RALGPS1: variants seen among roughly 807,000 people sequenced by gnomAD.
RALGPS1 encodes the protein Ral GEF with PH domain and SH3 binding motif 1.
A neutral mutation model predicts 78.8 loss-of-function variants in RALGPS1; 19 were observed. The ratio of observed to expected loss-of-function variants is 0.24; its 90% CI spans 0.17 to 0.35. The LOEUF (loss-of-function observed/expected upper bound fraction) is 0.35. RALGPS1 is among the 10% of genes least tolerant of loss of function. RALGPS1 has a pLI of 1.00. For synonymous variants in RALGPS1, 228 were observed against 256.3 expected (o/e 0.89, Z 1.06); for missense variants, 454 against 688.3 (o/e 0.66, Z 3.81).
At chr9:126,940,112 C>T (rs919374499) in intron 1 of RALGPS1, among the ~76,000 whole-genome samples, 1 of 152,166 alleles carries the variant, frequency 6.6e-6, no homozygotes, top group Admixed American at 6.5e-5. Context: ...AGGCTGACCC[C>T]TCCTTTTCCA....
In RALGPS1 at chr9:126,965,860, ACT is replaced by A; in HGVS notation, c.79_80del (p.Leu27GlyfsTer13). 2 of 1,613,754 alleles carry A rather than the reference ACT, an allele frequency of 1.2e-6. No homozygotes were observed. Among genetic ancestry groups the A allele is most frequent in the Non-Finnish European group, 1.7e-6 (2 of 1,179,804 alleles). On this transcript the variant is annotated frameshift_variant, in exon 3 of 19. Transcript: ENST00000259351. LOFTEE classifies it high-confidence loss of function. Reference sequence around the variant, plus strand: ...TCTCCACAGGGCAGCAGCAGCTCGGACTCTCTGGAGGGCCAGAGCTGCGACTA... The same window carrying A: ...TCTCCACAGGGCAGCAGCAGCTCGGACTCTGGAGGGCCAGAGCTGCGACTA...
At chr9:127,099,749 A>G (rs2053534021) in intron 8 of RALGPS1, among the ~76,000 whole-genome samples, 1 of 152,246 alleles carries the variant, frequency 6.6e-6, no homozygotes, top group Admixed American at 6.5e-5. Flanking sequence ...TAACCTAAAC[A>G]CAGGAATAGC....
At chr9:127,178,143 G>T (rs955051679) in intron 11 of RALGPS1, 15 of 744,014 alleles carry the variant, frequency 2.0e-5, no homozygotes, top group Non-Finnish European at 3.0e-5. Flanking sequence ...GCTGTGCAGG[G>T]TCTGTGGGCA....
chr9:127,184,753 C>T (rs2060525794), intron 11 of RALGPS1, among the ~76,000 whole-genome samples: 1 of 152,252 alleles, frequency 6.6e-6, no homozygotes, highest in African/African-American at 2.4e-5. Flanking sequence ...TGAGACTGGA[C>T]TGTGAGCTCC....
intron 5 of RALGPS1, among the ~76,000 whole-genome samples, chr9:127,037,642 G>C (rs1401973302): frequency 6.6e-6 from 1 of 152,184 alleles, no homozygotes. Flanking sequence ...CTCTGAGCTG[G>C]TTCTACCTCA....
At chr9:126,947,728 T>G (rs2037416563) in intron 1 of RALGPS1, among the ~76,000 whole-genome samples, 1 of 152,164 alleles carries the variant, frequency 6.6e-6, no homozygotes, top group Non-Finnish European at 1.5e-5. Context: ...CTATCAAGCC[T>G]GCACTGCAGC....
intron 8 of RALGPS1, among the ~76,000 whole-genome samples, chr9:127,120,859 T>C (rs1246637919): frequency 1.3e-5 from 2 of 151,782 alleles, no homozygotes; most frequent in Non-Finnish European, 2.9e-5. Context: ...GTGTCTCTGC[T>C]CTTCCCTTCC....
At chr9:126,994,568 A>C (rs1029664246) in intron 4 of RALGPS1, among the ~76,000 whole-genome samples, 1 of 152,244 alleles carries the variant, frequency 6.6e-6, no homozygotes, top group African/African-American at 2.4e-5. Context: ...TGTACCTGAA[A>C]GTGACGGGGA....
chr9:126,927,052 A>C (rs1273347043), intron 1 of RALGPS1, among the ~76,000 whole-genome samples: 1 of 152,150 alleles, frequency 6.6e-6, no homozygotes, highest in Non-Finnish European at 1.5e-5. Flanking sequence ...GCTAATCTGC[A>C]GCTGAGAGAG....
At chr9:127,194,454 C>T (rs1325851638) in intron 11 of RALGPS1, among the ~76,000 whole-genome samples, 1 of 152,132 alleles carries the variant, frequency 6.6e-6, no homozygotes, top group Non-Finnish European at 1.5e-5. Context: ...ACTCTGTTGC[C>T]CAGGCTGGAG....
chr9:127,055,543 AT>A (rs1195659570), intron 7 of RALGPS1, among the ~76,000 whole-genome samples: 2 of 152,096 alleles, frequency 1.3e-5, no homozygotes. Flanking sequence ...TATATTAACC[AT>A]TTTGTTCTGA....
chr9:127,111,680 C>G (rs2054830803), intron 8 of RALGPS1, among the ~76,000 whole-genome samples: 2 of 152,182 alleles, frequency 1.3e-5, no homozygotes, highest in Admixed American at 6.5e-5. Flanking sequence ...CAAGTGTTTT[C>G]CAGTTTCCCG....
At chr9:127,203,523 G>A (rs1195737707) in intron 14 of RALGPS1, among the ~76,000 whole-genome samples, 1 of 152,030 alleles carries the variant, frequency 6.6e-6, no homozygotes, top group East Asian at 1.9e-4. Context: ...GGATGGGGGG[G>A]TCCTTGGAAG....
At chr9:126,968,816 A>G (rs1276106777) in intron 3 of RALGPS1, among the ~76,000 whole-genome samples, 1 of 152,220 alleles carries the variant, frequency 6.6e-6, no homozygotes, top group Non-Finnish European at 1.5e-5. Context: ...TGGGAGGCTG[A>G]GGCGGGTGGA....
chr9:127,077,900 C>G (rs958700309), intron 8 of RALGPS1, among the ~76,000 whole-genome samples: 2 of 152,220 alleles, frequency 1.3e-5, no homozygotes, highest in Non-Finnish European at 2.9e-5. Context: ...AGGTATCTGT[C>G]AGTCCACAAA....
In RALGPS1 at chr9:127,212,047, G is replaced by A. The variant is rs542380349; in HGVS notation, c.1248-84G>A. The A allele has an allele frequency of 9.4e-7, 1 of 1,067,948 alleles. No individual in the cohort carries two copies. Among genetic ancestry groups the A allele is most frequent in the Non-Finnish European group, 1.4e-6 (1 of 737,198 alleles). The allele number at this position is 1,067,948 out of a possible 1,614,324, so 66.2% of individuals were successfully genotyped here. On this transcript the variant is annotated intron_variant, in intron 14 of 18. Coordinates refer to ENST00000259351, the MANE Select transcript of RALGPS1 (RefSeq NM_014636.3). This position sits in a 1 kb window ranked among gnomAD's most constrained non-coding sequence, Gnocchi z 6.0. ...GCTGGGATGTCATGGACTTGGTAGT[G>A]GGGCACCTGTGGTCCCCAGTGAGTG...
At chr9:126,967,378 G>C (rs2039616162) in intron 3 of RALGPS1, among the ~76,000 whole-genome samples, 1 of 151,970 alleles carries the variant, frequency 6.6e-6, no homozygotes. Flanking sequence ...TCTTTTTTCA[G>C]TCTTCATGGC....
At chr9:127,133,937 C>T (rs2057203504) in intron 8 of RALGPS1, among the ~76,000 whole-genome samples, 1 of 152,084 alleles carries the variant, frequency 6.6e-6, no homozygotes, top group Admixed American at 6.5e-5. Context: ...TGCCTGGTCC[C>T]CTGCCCCTGC....
chr9:127,016,327 G>C (rs1374934703), intron 4 of RALGPS1, among the ~76,000 whole-genome samples: 2 of 152,192 alleles, frequency 1.3e-5, no homozygotes, highest in Non-Finnish European at 2.9e-5. Context: ...TGTAATGCCG[G>C]TTATATGGCC....
Sources: gnomAD v4.1 joint callset for allele counts (sites outside exome capture counted in the v4.1 genomes callset) on GRCh38, gnomAD v4.1.1 for gene constraint, Gnocchi (gnomAD v3.1) non-coding constraint, MANE v1.5 for transcripts, NCBI Gene and HGNC (gene_info 2026-07-23, HGNC 2026-07-21) for gene names.